Variants in IFT122 observed in about 807,000 individuals in gnomAD.
IFT122 encodes intraflagellar transport protein 122 homolog.
In IFT122, 118 loss-of-function variants were observed where a neutral mutation model predicts 161.6. That is an observed-to-expected ratio of 0.73 (90% CI 0.63 to 0.85). IFT122 has a LOEUF of 0.85. IFT122 is among the 40% of genes least tolerant of loss of function. The pLI, the probability that IFT122 is intolerant of heterozygous loss-of-function variation, is 0.00. For missense variants in IFT122, 1,381 were observed against 1,579.6 expected, an observed-to-expected ratio of 0.87 and a Z score of 2.13; for synonymous variants, 550 against 602.4, an observed-to-expected ratio of 0.91 and a Z score of 1.27.
Position 129,440,387 on chromosome 3 carries a change from G to A in IFT122, c.41+16G>A, listed in dbSNP as rs1249583465. The A allele has an allele frequency of 1.9e-6, 3 of 1,550,144 alleles. No individual in the cohort carries two copies. The Admixed American group carries it at 5.9e-5, about 30-fold the overall frequency. On this transcript the variant is annotated intron_variant, in intron 1 of 29. Transcript: ENST00000348417. ...CCGAGCACTGGTGAGGAGCGGGGCG[G>A]TTCGCGAAGAGCAGGAGGTCGAGTC... is the stretch of plus-strand genomic sequence containing the variant.
intron 9 of IFT122, among the ~76,000 whole-genome samples, chr3:129,473,343 C>T (rs919537619): frequency 6.6e-6 from 1 of 152,222 alleles, no homozygotes; most frequent in African/African-American, 2.4e-5. Flanking sequence ...TTTGGGTCGT[C>T]ATGGTTCAGT....
intron 5 of IFT122, among the ~76,000 whole-genome samples, chr3:129,462,305 T>C (rs1470355444): frequency 2.6e-5 from 4 of 152,230 alleles, no homozygotes; most frequent in African/African-American, 4.8e-5. Context: ...TTAAAAAAAA[T>C]ATAATATTAA....
At chr3:129,465,114 A>AGTGT (rs56116340) in intron 7 of IFT122, among the ~76,000 whole-genome samples, 3,091 of 142,354 alleles carry the variant, frequency 0.022, 44 homozygotes, top group South Asian at 0.033. Flanking sequence ...CATGTATATG[A>AGTGT]GTGTGTGTGT....
rs149422533 is a variant in IFT122 at position 129,498,608 on chromosome 3, G to A, written c.2209-1294G>A. Among the ~76,000 whole-genome samples, 1,025 of 152,092 alleles carry A rather than the reference G, an allele frequency of 6.7e-3. 13 individuals are homozygous for A. Among genetic ancestry groups the A allele is most frequent in the African/African-American group, 0.023 (933 of 41,448 alleles). ...CTTAAAATGTATCATATATTAGGCC[G>A]ACCTAATACTCTGAAAGCACATTTA... On this transcript the variant is annotated intron_variant, in intron 18 of 29. Transcript: ENST00000348417.
At chr3:129,476,903 C>A in intron 11 of IFT122, 102 bp downstream of exon 11, 1 of 1,411,474 alleles carries the variant, frequency 7.1e-7, no homozygotes, top group Non-Finnish European at 9.8e-7. Context: ...TTCTCTTTGG[C>A]GTTTTGCAAA....
chr3:129,504,716 G>A lies in IFT122; in HGVS notation c.2650+295G>A, dbSNP rs371763617. On this transcript the variant is annotated intron_variant, in intron 21 of 29. Coordinates refer to ENST00000348417, the MANE Select transcript of IFT122 (RefSeq NM_052989.3). Reference sequence around the variant, plus strand: ...GCTGTGCACTGCAGTGTATCTTCCCGTTTAATCCTCGCAACAGCCCTATGG... The same window carrying A: ...GCTGTGCACTGCAGTGTATCTTCCCATTTAATCCTCGCAACAGCCCTATGG... 4.6e-5 allele frequency among the ~76,000 whole-genome samples: 7 copies of A among 152,154 alleles called. No homozygotes were observed. The East Asian group carries it at 5.8e-4, about 13-fold the overall frequency.
At chr3:129,480,267 C>T (rs2078485835) in intron 13 of IFT122, among the ~76,000 whole-genome samples, 1 of 152,220 alleles carries the variant, frequency 6.6e-6, no homozygotes, top group Non-Finnish European at 1.5e-5. Flanking sequence ...TTACCTAGGT[C>T]AGCTCCTGAT....
At chr3:129,508,566 T>C (rs771877526) in intron 23 of IFT122, among the ~76,000 whole-genome samples, 1 of 152,220 alleles carries the variant, frequency 6.6e-6, no homozygotes, top group Non-Finnish European at 1.5e-5. Flanking sequence ...TTTAAATCAT[T>C]ATAACTAGGC....
rs539045246 is a variant in IFT122 at position 129,447,525 on chromosome 3, C to T, written c.42-2346C>T. The stretch of plus-strand genomic sequence containing the variant: ...GAATAGGTTGTAAAATGTTTCTTCT[C>T]ACCCTGCAAAACAGAGTCTTGCTGT... On this transcript the variant is annotated intron_variant, in intron 1 of 29. Transcript: ENST00000348417. Among the ~76,000 whole-genome samples, 4 of 152,274 alleles carry T rather than the reference C, an allele frequency of 2.6e-5. No individual in the cohort carries two copies. In the South Asian group the frequency reaches 8.3e-4, roughly 32 times the overall value.
intron 3 of IFT122, among the ~76,000 whole-genome samples, chr3:129,458,380 G>A (rs2075782121): frequency 6.6e-6 from 1 of 152,174 alleles, no homozygotes; most frequent in Non-Finnish European, 1.5e-5. Flanking sequence ...GCTACATGTA[G>A]TAGGCTCCCA....
intron 1 of IFT122, 36 bp downstream of exon 1, chr3:129,440,407 C>T (rs533400682): frequency 2.6e-6 from 4 of 1,548,544 alleles, no homozygotes; most frequent in African/African-American, 2.7e-5. Context: ...AGCAGGAGGT[C>T]GAGTCCTCGC....
intron 5 of IFT122, among the ~76,000 whole-genome samples, chr3:129,462,087 A>G (rs1345256000): frequency 6.6e-6 from 1 of 152,198 alleles, no homozygotes; most frequent in Non-Finnish European, 1.5e-5. Flanking sequence ...TGTCTCACTG[A>G]TACGGTTCTG....
rs561968596 is a variant in IFT122 at position 129,460,795 on chromosome 3, T to G, written c.273-433T>G. The stretch of plus-strand genomic sequence containing the variant: ...AGGACTAAAACGGGTTGAGACGCCT[T>G]GCATGGTACATGATTTGCTCAGCTT... On this transcript the variant is annotated intron_variant, in intron 4 of 29. Coordinates refer to ENST00000348417, the MANE Select transcript of IFT122 (RefSeq NM_052989.3). 1,429 of 1,420,452 alleles carry G rather than the reference T, an allele frequency of 1.0e-3. 5 individuals carry two copies. Among genetic ancestry groups the G allele is most frequent in the South Asian group, 2.0e-3 (174 of 87,084 alleles). 88.0% of individuals were successfully genotyped at this position (1,420,452 alleles called of 1,614,324 possible).
intron 18 of IFT122, among the ~76,000 whole-genome samples, chr3:129,497,798 G>T (rs1383354337): frequency 6.6e-6 from 1 of 151,978 alleles, no homozygotes; most frequent in Non-Finnish European, 1.5e-5. Flanking sequence ...TGTGGGGGGT[G>T]GGGGAGATCT....
intron 9 of IFT122, among the ~76,000 whole-genome samples, chr3:129,471,005 A>T (rs1304745026): frequency 6.6e-6 from 1 of 152,234 alleles, no homozygotes; most frequent in Non-Finnish European, 1.5e-5. Context: ...ACTTGTTTCC[A>T]TGGAGGGTGG....
chr3:129,476,290 C>T lies in IFT122; in HGVS notation c.817-25C>T, dbSNP rs939766685. The T allele has an allele frequency of 4.3e-6, 7 of 1,613,520 alleles. No homozygotes were observed. The African/African-American group carries it at 5.3e-5, about 12-fold the overall frequency. ...TTATGGATTCGGAAATGGTTTTTCC[C>T]TTGCTGTGTGTTCTTTTTCCTCAGA... On this transcript the variant is annotated intron_variant, in intron 9 of 29. Transcript: ENST00000348417.
At chr3:129,454,559 A>ATGTGTGTGTG (rs1553734649) in intron 3 of IFT122, among the ~76,000 whole-genome samples, 13 of 95,912 alleles carry the variant, frequency 1.4e-4, no homozygotes, top group East Asian at 6.3e-4. Flanking sequence ...GTGTGTGTGC[A>ATGTGTGTGTG]TGTTTGAGTT....
At chr3:129,460,439 TC>T (rs200111278) in intron 4 of IFT122, among the ~76,000 whole-genome samples, 2,063 of 151,384 alleles carry the variant, frequency 0.014, 36 homozygotes, top group African/African-American at 0.045. Context: ...TCCTTTTTTT[TC>T]TTTATTATTA....
At chr3:129,491,590 T>C (rs1441329757) in intron 16 of IFT122, among the ~76,000 whole-genome samples, 4 of 152,162 alleles carry the variant, frequency 2.6e-5, no homozygotes, top group Non-Finnish European at 2.9e-5. Context: ...TCCCTACCCC[T>C]CCACCTTCTT....
Sources: gnomAD v4.1 joint callset for allele counts (sites outside exome capture counted in the v4.1 genomes callset) on GRCh38, gnomAD v4.1.1 for gene constraint, MANE v1.5 for transcripts, NCBI Gene and HGNC (gene_info 2026-07-23, HGNC 2026-07-21) for gene names.